Variants in DYSF observed in about 807,000 individuals in gnomAD.
DYSF encodes the protein dystrophy-associated fer-1-like 1.
A neutral mutation model predicts 274.9 loss-of-function variants in DYSF; 212 were observed. That is an observed-to-expected ratio of 0.77 (90% CI 0.69 to 0.86). DYSF has a LOEUF of 0.86. DYSF is among the 40% of genes least tolerant of loss of function. The pLI is 0.00. For missense variants in DYSF, 2,666 were observed against 2,783.2 expected (o/e 0.96, Z 0.95); for synonymous variants, 1,091 against 1,078.7 (o/e 1.01, Z -0.22).
intron 17 of DYSF, chr2:71,549,218 A>C (rs905160559): frequency 1.6e-5 from 14 of 848,854 alleles, no homozygotes; most frequent in Non-Finnish European, 2.7e-5. Context: ...CTCGGGCCAC[A>C]TCTGTTTCAC....
At chr2:71,644,952 G>T (rs563403049) in intron 42 of DYSF, among the ~76,000 whole-genome samples, 1 of 152,210 alleles carries the variant, frequency 6.6e-6, no homozygotes, top group Non-Finnish European at 1.5e-5. Context: ...AGGGTGTGCA[G>T]TGGGGGTGTG....
At chr2:71,645,862 A>G (rs577062146) in intron 42 of DYSF, among the ~76,000 whole-genome samples, 1 of 152,172 alleles carries the variant, frequency 6.6e-6, no homozygotes, top group African/African-American at 2.4e-5. Flanking sequence ...GAGAGGAGAA[A>G]ATGAGAGGTG....
intron 48 of DYSF, among the ~76,000 whole-genome samples, chr2:71,668,392 A>C (rs1250939835): frequency 6.6e-6 from 1 of 152,140 alleles, no homozygotes; most frequent in Non-Finnish European, 1.5e-5. Context: ...AGGGGTGGGC[A>C]GGGAGAGTGA....
rs77652117 is a variant in DYSF at position 71,484,929 on chromosome 2, G to A, written c.239+2959G>A. 1.0e-3 allele frequency among the ~76,000 whole-genome samples: 152 copies of A among 152,248 alleles called. 5 individuals carry two copies. The East Asian group carries it at 0.029, about 29-fold the overall frequency. ...TTGGGGTCCTCCCATTGGCCCCTGTGGGTGTTCTCTAGCTCCTGGGGGCAG... is the reference window on the plus strand; with the variant it reads ...TTGGGGTCCTCCCATTGGCCCCTGTAGGTGTTCTCTAGCTCCTGGGGGCAG... On this transcript the variant is annotated intron_variant, in intron 3 of 55. Coordinates refer to ENST00000410020, the MANE Select transcript of DYSF (RefSeq NM_001130987.2).
chr2:71,520,577 G>A (rs1425647087), intron 11 of DYSF, among the ~76,000 whole-genome samples: 2 of 152,218 alleles, frequency 1.3e-5, no homozygotes, highest in African/African-American at 4.8e-5. Context: ...GTTTGGCTCT[G>A]CCAGCCTCTT....
Position 71,686,579 on chromosome 2 carries a change from C to A in DYSF, c.*87C>A. 1.3e-6 allele frequency: 2 copies of A among 1,503,764 alleles called. No homozygotes were observed. Among genetic ancestry groups the A allele is most frequent in the Non-Finnish European group, 9.2e-7 (1 of 1,084,418 alleles). The allele number at this position is 1,503,764 out of a possible 1,614,324, so 93.2% of individuals were successfully genotyped here. On this transcript the variant is annotated 3_prime_UTR_variant, in exon 56 of 56. Coordinates refer to ENST00000410020, the MANE Select transcript of DYSF (RefSeq NM_001130987.2). ...CCTCCGCCCAGCTCGGCGAGCTCCTCCAGACCTCCTAGGCCTGATTGTCCT... is the reference window on the plus strand; with the variant it reads ...CCTCCGCCCAGCTCGGCGAGCTCCTACAGACCTCCTAGGCCTGATTGTCCT...
At chr2:71,682,818 G>A (rs2095312343) in intron 55 of DYSF, 141 bp downstream of exon 55, 1 of 1,260,180 alleles carries the variant, frequency 7.9e-7, no homozygotes, top group East Asian at 2.5e-5. Context: ...TGAGGATACA[G>A]AGCCCAGCTC....
chr2:71,628,119 C>G (rs1017705625), intron 41 of DYSF, among the ~76,000 whole-genome samples: 6 of 151,866 alleles, frequency 4.0e-5, no homozygotes, highest in African/African-American at 1.5e-4. Context: ...AAAATATTCC[C>G]CTCCTTTTTT....
chr2:71,534,958 C>A, intron 14 of DYSF, 63 bp from the exon 15 acceptor site: 1 of 1,567,550 alleles, frequency 6.4e-7, no homozygotes, highest in Non-Finnish European at 8.8e-7. Context: ...TGGCATGTGG[C>A]CCCGGGGGAG....
intron 13 of DYSF, among the ~76,000 whole-genome samples, chr2:71,527,493 G>A (rs1158040218): frequency 6.6e-6 from 1 of 152,182 alleles, no homozygotes; most frequent in African/African-American, 2.4e-5. Context: ...GCAACTAGAA[G>A]TGAGGCTGGT....
At chr2:71,634,287 C>G (rs1458639279) in intron 41 of DYSF, among the ~76,000 whole-genome samples, 3 of 152,206 alleles carry the variant, frequency 2.0e-5, no homozygotes, top group Non-Finnish European at 4.4e-5. Context: ...GGATGCTTAG[C>G]TATTGCAAAA....
rs181891145 is a variant in DYSF, at chr2:71,512,955, C to G, written c.461-285C>G. Among the ~76,000 whole-genome samples, 352 of 152,130 alleles carry G rather than the reference C, an allele frequency of 2.3e-3. 2 individuals are homozygous for G. Among genetic ancestry groups the G allele is most frequent in the African/African-American group, 7.9e-3 (329 of 41,494 alleles). On this transcript the variant is annotated intron_variant, in intron 5 of 55. Transcript: ENST00000410020. ...GCTCAGGGGAGGAAGGAGAGGTGCC[C>G]GTGGTGGCAGAGGGTGGGGAGCAGG... is the stretch of plus-strand genomic sequence containing the variant.
intron 32 of DYSF, among the ~76,000 whole-genome samples, chr2:71,596,035 G>A (rs1327832929): frequency 2.2e-5 from 3 of 137,886 alleles, no homozygotes; most frequent in South Asian, 2.3e-4. Context: ...GTGGGGTCCC[G>A]TGCAGGGAGA....
chr2:71,553,187 C>T lies in DYSF; in HGVS notation c.1983C>T (p.Asp661=), dbSNP rs574076669. ...CTCAGTACAGCCGTGCAGTCTTTGA[C>T]GGTGAGGCAGTGCTCCTGGCTGGGA... is the stretch of plus-strand genomic sequence containing the variant. The part of the protein sequence containing the change: ...STTQYSRAVF[D]GCHYYYLPWG... The change falls in exon 20 of 56, where the codon GAC becomes GAT. Residue 661 remains aspartate (D), a splice_region_variant and synonymous_variant. Transcript: ENST00000410020. 49 of 1,613,890 alleles carry T rather than the reference C, an allele frequency of 3.0e-5. No individual in the cohort carries two copies. In the East Asian group the frequency reaches 4.7e-4, roughly 15 times the overall value.
chr2:71,563,895 C>T (rs1456686176), intron 23 of DYSF, among the ~76,000 whole-genome samples, 163 bp from the exon 24 acceptor site: 1 of 152,190 alleles, frequency 6.6e-6, no homozygotes, highest in African/African-American at 2.4e-5. Flanking sequence ...ACTGGCCAGC[C>T]CTGGGAGGTC....
intron 22 of DYSF, among the ~76,000 whole-genome samples, chr2:71,556,436 C>A (rs545815547): frequency 5.9e-5 from 9 of 152,250 alleles, no homozygotes; most frequent in Admixed American, 1.3e-4. Flanking sequence ...TGTCGGGGAT[C>A]ATGGTTTCTG....
chr2:71,499,914 C>A (rs560289767), intron 3 of DYSF, among the ~76,000 whole-genome samples: 1 of 152,318 alleles, frequency 6.6e-6, no homozygotes, highest in South Asian at 2.1e-4. Flanking sequence ...TCTGCACACA[C>A]TCATAGCTGG....
intron 3 of DYSF, among the ~76,000 whole-genome samples, chr2:71,483,845 C>T (rs1208873636): frequency 6.6e-6 from 1 of 151,926 alleles, no homozygotes; most frequent in East Asian, 1.9e-4. Flanking sequence ...GCCCCATGTG[C>T]CTCTCGGAGG....
chr2:71,505,545 C>T (rs537471351), intron 4 of DYSF, among the ~76,000 whole-genome samples: 10 of 152,310 alleles, frequency 6.6e-5, no homozygotes, highest in African/African-American at 2.2e-4. Context: ...CTGCAGACCC[C>T]GTTTGCCTTT....
Sources: allele counts gnomAD v4.1 joint callset (sites outside exome capture counted in the v4.1 genomes callset), GRCh38; gene constraint gnomAD v4.1.1; transcripts MANE v1.5; gene names NCBI Gene and HGNC (gene_info 2026-07-23, HGNC 2026-07-21).